Variants in BDH1 observed in about 807,000 individuals in gnomAD.
BDH1 encodes 3-hydroxybutyrate dehydrogenase 1.
Under a neutral mutation model 33.1 loss-of-function variants are expected in BDH1, and 30 were observed. The observed-to-expected ratio is 0.91, with a 90% CI of 0.68 to 1.23. BDH1 has a LOEUF of 1.23. BDH1 is among the 50% of genes most tolerant of loss of function. The probability of loss-of-function intolerance (pLI) is 0.00; values close to 1 mark genes in which losing one functional copy is unlikely to be tolerated. For synonymous variants in BDH1, 190 were observed against 183.6 expected, an observed-to-expected ratio of 1.03 and a Z score of -0.28; for missense variants, 443 against 464.4, an observed-to-expected ratio of 0.95 and a Z score of 0.42.
intron 7 of BDH1, among the ~76,000 whole-genome samples, chr3:197,513,097 G>C (rs1560301508): frequency 6.6e-6 from 1 of 152,210 alleles, no homozygotes. Flanking sequence ...CCTGACTTCA[G>C]GGCTAGGATA....
chr3:197,527,183 G>A (rs745828334), intron 5 of BDH1, among the ~76,000 whole-genome samples: 3 of 152,212 alleles, frequency 2.0e-5, no homozygotes, highest in Non-Finnish European at 4.4e-5. Context: ...AGAGAGGAGC[G>A]AGCCTGGGCA....
chr3:197,542,457 G>T (rs928533236), intron 3 of BDH1, among the ~76,000 whole-genome samples: 3 of 151,614 alleles, frequency 2.0e-5, no homozygotes, highest in African/African-American at 7.3e-5. Flanking sequence ...AGCTATGCCG[G>T]TCTCAGTCTC....
chr3:197,550,343 A>G (rs1196985843), intron 2 of BDH1, among the ~76,000 whole-genome samples: 2 of 152,208 alleles, frequency 1.3e-5, no homozygotes, highest in African/African-American at 2.4e-5. Context: ...GAGACATTCC[A>G]GTCACCAGAT....
chr3:197,551,345 T>G (rs1716551082), intron 2 of BDH1, among the ~76,000 whole-genome samples: 1 of 152,234 alleles, frequency 6.6e-6, no homozygotes, highest in East Asian at 1.9e-4. Flanking sequence ...GTGCCTGGCT[T>G]ATTTCACTTA....
intron 6 of BDH1, among the ~76,000 whole-genome samples, chr3:197,517,484 C>T (rs1712902791): frequency 1.6e-5 from 1 of 63,864 alleles, no homozygotes; most frequent in African/African-American, 5.8e-5. Context: ...ATTTCCTGCT[C>T]TATGGTCTCA....
rs1302699401 is a variant in BDH1 at position 197,522,374 on chromosome 3, G to A, written c.409+266C>T. On this transcript the variant is annotated intron_variant, in intron 6 of 7. Coordinates refer to ENST00000392379, the MANE Select transcript of BDH1 (RefSeq NM_203314.3). The surrounding 1 kb of genome is among the most constrained non-coding windows in gnomAD (Gnocchi z 4.8). ...TCCTGGGCCAGAGGGGGCATCAATGGGCATTGGCTGAACTGACCTGAATCA... is the reference window on the plus strand; with the variant it reads ...TCCTGGGCCAGAGGGGGCATCAATGAGCATTGGCTGAACTGACCTGAATCA... 6.6e-6 allele frequency among the ~76,000 whole-genome samples: 1 copy of A among 152,174 alleles called. No individual in the cohort carries two copies. The highest frequency in any genetic ancestry group is 6.5e-5 in the Admixed American group (1 of 15,282).
rs774023746 is a variant in BDH1 at position 197,532,460 on chromosome 3, C to G, written c.219G>C (p.Lys73Asn). The G allele has an allele frequency of 6.2e-7, 1 of 1,614,232 alleles. No homozygotes were observed. Among genetic ancestry groups the G allele is most frequent in the African/African-American group, 1.3e-5 (1 of 75,064 alleles). ...CAAGGAAGCCTTTTGAATGCAGATG[C>G]TTGGCCAATGAGAACCCAAATCCAG... Reference protein sequence around the residue: ...CDSGFGFSLAKHLHSKGFLVF... With the variant: ...CDSGFGFSLANHLHSKGFLVF... The change falls in exon 5 of 8, where the codon AAG becomes AAC. Residue 73 changes from lysine to asparagine, a missense_variant. Physicochemically the swap from Lys to Asn is moderately conservative, Grantham distance 94. Transcript: ENST00000392379.
chr3:197,564,639 G>C (rs577080574), intron 1 of BDH1, among the ~76,000 whole-genome samples: 30 of 152,122 alleles, frequency 2.0e-4, no homozygotes, highest in Non-Finnish European at 4.0e-4. Context: ...TCTCAGGAAA[G>C]GGGCATGTGA....
Position 197,521,969 on chromosome 3 carries a change from G to A in BDH1, c.409+671C>T, listed in dbSNP as rs902735719. Reference sequence around the variant, plus strand: ...ATTGGGAGACCAGCCATGTTCCCTCGCCTGGGATCCAAGACCTCCCTCCCC... The same window carrying A: ...ATTGGGAGACCAGCCATGTTCCCTCACCTGGGATCCAAGACCTCCCTCCCC... On this transcript the variant is annotated intron_variant, in intron 6 of 7. Coordinates refer to ENST00000392379, the MANE Select transcript of BDH1 (RefSeq NM_203314.3). The surrounding 1 kb of genome is among the most constrained non-coding windows in gnomAD (Gnocchi z 4.9). Among the ~76,000 whole-genome samples the A allele has an allele frequency of 1.3e-5, 2 of 152,026 alleles. No individual in the cohort carries two copies. The highest frequency in any genetic ancestry group is 2.1e-4 in the South Asian group (1 of 4,830).
intron 3 of BDH1, among the ~76,000 whole-genome samples, chr3:197,541,284 C>T (rs1715602285): frequency 6.6e-6 from 1 of 152,204 alleles, no homozygotes; most frequent in Admixed American, 6.5e-5. Flanking sequence ...GTGTCATTCA[C>T]CTCAGGGGAT....
At position 197,522,205 on chromosome 3, in the gene BDH1, T is replaced by C. The variant is rs946832585; in HGVS notation, c.409+435A>G. On this transcript the variant is annotated intron_variant, in intron 6 of 7. Coordinates refer to ENST00000392379, the MANE Select transcript of BDH1 (RefSeq NM_203314.3). The surrounding 1 kb of genome is among the most constrained non-coding windows in gnomAD (Gnocchi z 4.8). ...CCTATTTCCACTGCGCCCCCATGGC[T>C]GGACTGACCCCTCCTTCCTGTGCTG... Among the ~76,000 whole-genome samples the C allele has an allele frequency of 6.6e-6, 1 of 152,210 alleles. No homozygotes were observed. The highest frequency in any genetic ancestry group is 1.5e-5 in the Non-Finnish European group (1 of 68,048).
chr3:197,562,447 G>T (rs1453825267), intron 1 of BDH1, among the ~76,000 whole-genome samples: 1 of 152,218 alleles, frequency 6.6e-6, no homozygotes, highest in African/African-American at 2.4e-5. Context: ...CCAGCGAAAG[G>T]CGTCCCTGGG....
intron 3 of BDH1, among the ~76,000 whole-genome samples, chr3:197,541,840 T>C (rs1294733627): frequency 6.6e-6 from 1 of 152,172 alleles, no homozygotes; most frequent in African/African-American, 2.4e-5. Flanking sequence ...GGGTTCCCCT[T>C]TGAGCCCCTT....
intron 3 of BDH1, among the ~76,000 whole-genome samples, chr3:197,540,547 TA>T (rs1351513510): frequency 6.6e-6 from 1 of 151,956 alleles, no homozygotes; most frequent in Non-Finnish European, 1.5e-5. Flanking sequence ...CACACGCCTA[TA>T]ATCCCAGCTA....
At chr3:197,539,243 A>C (rs999218212) in intron 3 of BDH1, among the ~76,000 whole-genome samples, 1 of 152,182 alleles carries the variant, frequency 6.6e-6, no homozygotes, top group African/African-American at 2.4e-5. Flanking sequence ...GGGTTCAAGC[A>C]ATTCTCCTGC....
chr3:197,519,966 C>T (rs905188222), intron 6 of BDH1, among the ~76,000 whole-genome samples: 3 of 152,150 alleles, frequency 2.0e-5, no homozygotes, highest in Non-Finnish European at 4.4e-5. Context: ...GCGTCAAACT[C>T]GCCAACCAAA....
intron 6 of BDH1, chr3:197,515,616 G>A: frequency 4.1e-6 from 4 of 985,518 alleles, no homozygotes; most frequent in Non-Finnish European, 4.8e-6. Context: ...CACATTAGGA[G>A]CTCAACAAAT....
chr3:197,512,854 A>G (rs1053917486), intron 7 of BDH1, among the ~76,000 whole-genome samples: 5 of 152,182 alleles, frequency 3.3e-5, no homozygotes, highest in Non-Finnish European at 7.3e-5. Context: ...CACTAGGGCC[A>G]AGTGTCTAGC....
At position 197,510,002 on chromosome 3, in the gene BDH1, C is replaced by T. The variant is rs972586494; in HGVS notation, c.*1893G>A. On this transcript the variant is annotated 3_prime_UTR_variant, in exon 8 of 8. Transcript: ENST00000392379. ...TCCTGGGGCAGCTGGGACAGGGGACCCCTGTTTGAAGACAGCGGGGACAAC... is the reference window on the plus strand; with the variant it reads ...TCCTGGGGCAGCTGGGACAGGGGACTCCTGTTTGAAGACAGCGGGGACAAC... 6.6e-6 allele frequency: 1 copy of T among 152,332 alleles called. No homozygotes were observed. Among genetic ancestry groups the T allele is most frequent in the Middle Eastern group, 3.2e-3 (1 of 316 alleles). 9.4% of individuals were successfully genotyped at this position (152,332 alleles called of 1,614,324 possible).
Sources: allele counts gnomAD v4.1 joint callset (sites outside exome capture counted in the v4.1 genomes callset), GRCh38; gene constraint gnomAD v4.1.1; non-coding constraint Gnocchi (gnomAD v3.1); transcripts MANE v1.5; gene names NCBI Gene and HGNC (gene_info 2026-07-23, HGNC 2026-07-21).